SPRED1: variants seen among roughly 807,000 people sequenced by gnomAD.
SPRED1 encodes sprouty-related, EVH1 domain-containing protein 1.
A neutral mutation model predicts 52.3 loss-of-function variants in SPRED1; 18 were observed. That is an observed-to-expected ratio of 0.34 (90% CI 0.24 to 0.51). SPRED1 has a LOEUF of 0.51. Among genes scored for constraint, SPRED1 ranks in the 20% least tolerant of loss-of-function variants. The probability of loss-of-function intolerance (pLI) is 0.97; values close to 1 mark genes in which losing one functional copy is unlikely to be tolerated. For missense variants in SPRED1, 485 were observed against 551.0 expected, an observed-to-expected ratio of 0.88 and a Z score of 1.20; for synonymous variants, 155 against 179.7, an observed-to-expected ratio of 0.86 and a Z score of 1.10.
chr15:38,280,632 A>G (rs1215843434), intron 1 of SPRED1, among the ~76,000 whole-genome samples: 1 of 152,186 alleles, frequency 6.6e-6, no homozygotes, highest in African/African-American at 2.4e-5. Flanking sequence ...TACTTAGGAC[A>G]TTTGGTTAGG....
chr15:38,331,803 T>C (rs1376394291), intron 4 of SPRED1, among the ~76,000 whole-genome samples: 1 of 152,138 alleles, frequency 6.6e-6, no homozygotes, highest in Non-Finnish European at 1.5e-5. Flanking sequence ...ATAACATAAG[T>C]TTGCCAAAGG....
At chr15:38,290,816 A>G (rs1475914625) in intron 1 of SPRED1, among the ~76,000 whole-genome samples, 1 of 152,144 alleles carries the variant, frequency 6.6e-6, no homozygotes, top group Non-Finnish European at 1.5e-5. Flanking sequence ...CTCCTACAAC[A>G]TGTGGGAATT....
chr15:38,318,778 T>C (rs1023693868), intron 2 of SPRED1, among the ~76,000 whole-genome samples: 2 of 152,218 alleles, frequency 1.3e-5, no homozygotes, highest in Non-Finnish European at 2.9e-5. Context: ...TTCTTCTGTA[T>C]GTCTGTTTAG....
chr15:38,351,208 G>T lies in SPRED1; in HGVS notation c.879G>T (p.Leu293=). The part of the protein sequence containing the change: ...SKPDSKKSDY[L]YSCGDETKLS... ...CAGACAGTAAAAAATCAGACTATCTGTACTCTTGTGGGGATGAGACTAAGT... is the reference window on the plus strand; with the variant it reads ...CAGACAGTAAAAAATCAGACTATCTTTACTCTTGTGGGGATGAGACTAAGT... Residue 293 remains leucine, a synonymous_variant, in exon 7 of 7, where the codon CTG becomes CTT. Coordinates refer to ENST00000299084, the MANE Select transcript of SPRED1 (RefSeq NM_152594.3). 1 of 1,614,102 alleles carries T rather than the reference G, an allele frequency of 6.2e-7. No individual in the cohort carries two copies. Among genetic ancestry groups the T allele is most frequent in the East Asian group, 2.2e-5 (1 of 44,882 alleles).
intron 1 of SPRED1, among the ~76,000 whole-genome samples, chr15:38,254,758 T>A (rs1239919813): frequency 6.6e-6 from 1 of 152,208 alleles, no homozygotes; most frequent in East Asian, 1.9e-4. Flanking sequence ...CCTCCATTCA[T>A]AAAATACCTG....
rs796360662 is a variant in SPRED1, at chr15:38,283,531, C to T, written c.33-15842C>T. On this transcript the variant is annotated intron_variant, in intron 1 of 6. Transcript: ENST00000299084. Reference sequence around the variant, plus strand: ...GCATGATGATGGAATCTGCTTTTTTCAGTAAGTGCTATGAGCTTATATTTA... The same window carrying T: ...GCATGATGATGGAATCTGCTTTTTTTAGTAAGTGCTATGAGCTTATATTTA... 3.0e-5 allele frequency: 29 copies of T among 982,746 alleles called. 1 individual carries two copies. The African/African-American group carries it at 4.9e-4, about 17-fold the overall frequency. 60.9% of individuals were successfully genotyped at this position (982,746 alleles called of 1,614,324 possible).
At chr15:38,278,205 G>A (rs1236021394) in intron 1 of SPRED1, among the ~76,000 whole-genome samples, 1 of 152,132 alleles carries the variant, frequency 6.6e-6, no homozygotes, top group Non-Finnish European at 1.5e-5. Flanking sequence ...CTCCTGGCTG[G>A]GAGTGGTGGC....
At chr15:38,349,389 G>A (rs772936179) in intron 5 of SPRED1, 33 bp from the exon 6 acceptor site, 12 of 1,486,118 alleles carry the variant, frequency 8.1e-6, no homozygotes, top group Admixed American at 1.7e-5. Context: ...TAAAATTCTT[G>A]TGTCATTTAA....
Position 38,253,087 on chromosome 15 carries a change from C to A in SPRED1, c.-99C>A. 3 of 1,005,366 alleles carry A rather than the reference C, an allele frequency of 3.0e-6. No individual in the cohort carries two copies. Among genetic ancestry groups the A allele is most frequent in the East Asian group, 2.6e-5 (1 of 37,754 alleles). The allele number at this position is 1,005,366 out of a possible 1,614,324, so 62.3% of individuals were successfully genotyped here. ...AGGCCCCTGTGCCGCTGCCCCCGCG[C>A]CCCCCCGGCCGCCGCTGCCTCCTGC... On this transcript the variant is annotated 5_prime_UTR_variant, in exon 1 of 7. Coordinates refer to ENST00000299084, the MANE Select transcript of SPRED1 (RefSeq NM_152594.3).
At chr15:38,285,367 T>G (rs1465935299) in intron 1 of SPRED1, among the ~76,000 whole-genome samples, 1 of 152,176 alleles carries the variant, frequency 6.6e-6, no homozygotes, top group Non-Finnish European at 1.5e-5. Context: ...TAGCACAGAC[T>G]ACATGGTATG....
At chr15:38,336,439 A>ATTATATATATGTTATATATATAATATT (rs1566871756) in intron 4 of SPRED1, among the ~76,000 whole-genome samples, 1,114 of 33,286 alleles carry the variant, frequency 0.033, 18 homozygotes, top group African/African-American at 0.06. Flanking sequence ...TATATATAAT[A>ATTATATATATGTTATATATATAATATT]TTATATATAT....
At chr15:38,329,741 G>C (rs1205595932) in intron 4 of SPRED1, among the ~76,000 whole-genome samples, 2 of 152,042 alleles carry the variant, frequency 1.3e-5, no homozygotes, top group Non-Finnish European at 2.9e-5. Flanking sequence ...AATAATTACT[G>C]TTTATATTTG....
intron 1 of SPRED1, among the ~76,000 whole-genome samples, chr15:38,263,651 G>A (rs1034845819): frequency 3.3e-5 from 5 of 152,242 alleles, no homozygotes; most frequent in East Asian, 1.9e-4. Flanking sequence ...GGATATAACC[G>A]TTAGGATGTC....
chr15:38,268,624 T>C (rs1373816466), intron 1 of SPRED1, among the ~76,000 whole-genome samples: 1 of 152,208 alleles, frequency 6.6e-6, no homozygotes, highest in African/African-American at 2.4e-5. Context: ...GTATAGTAAA[T>C]GATAAATCAT....
chr15:38,326,856 T>C (rs1158775781), intron 4 of SPRED1, among the ~76,000 whole-genome samples: 2 of 152,100 alleles, frequency 1.3e-5, no homozygotes, highest in African/African-American at 4.8e-5. Context: ...AGAACCAAGA[T>C]CTCAGGCCAG....
chr15:38,268,609 C>T (rs1440124207), intron 1 of SPRED1, among the ~76,000 whole-genome samples: 2 of 152,230 alleles, frequency 1.3e-5, no homozygotes, highest in East Asian at 1.9e-4. Flanking sequence ...TTAAAAGTGA[C>T]CAGGGTATAG....
At chr15:38,330,834 C>G (rs531298063) in intron 4 of SPRED1, among the ~76,000 whole-genome samples, 133 of 151,992 alleles carry the variant, frequency 8.8e-4, no homozygotes, top group Non-Finnish European at 1.5e-3. Context: ...CTGTGATATC[C>G]CTTTTTTTCT....
intron 4 of SPRED1, among the ~76,000 whole-genome samples, chr15:38,333,653 T>TGTGAATACATGAATTG (rs1811876846): frequency 1.3e-5 from 2 of 152,182 alleles, no homozygotes; most frequent in South Asian, 4.1e-4. Flanking sequence ...GAGCACCGAT[T>TGTGAATACATGAATTG]GTGAATACAT....
intron 4 of SPRED1, among the ~76,000 whole-genome samples, chr15:38,331,044 T>G (rs1895796273): frequency 6.6e-6 from 1 of 152,162 alleles, no homozygotes; most frequent in Admixed American, 6.6e-5. Flanking sequence ...TGCTTTACTC[T>G]GTATCCTTTT....
Sources: allele counts gnomAD v4.1 joint callset (sites outside exome capture counted in the v4.1 genomes callset), GRCh38; gene constraint gnomAD v4.1.1; transcripts MANE v1.5; gene names NCBI Gene and HGNC (gene_info 2026-07-23, HGNC 2026-07-21).